Variants in ADAT2 observed in about 807,000 individuals in gnomAD.
ADAT2 encodes adenosine deaminase tRNA specific 2.
In ADAT2, 26 loss-of-function variants were observed where a neutral mutation model predicts 25.9. The observed-to-expected ratio is 1.00, with a 90% CI of 0.74 to 1.39. The LOEUF (loss-of-function observed/expected upper bound fraction) is 1.39, where lower values mean the gene tolerates loss of function less well. Among genes scored for constraint, ADAT2 ranks in the 40% most tolerant of loss-of-function variants. ADAT2 has a pLI of 0.00. For synonymous variants in ADAT2, 76 were observed against 86.8 expected, an observed-to-expected ratio of 0.88 and a Z score of 0.69; for missense variants, 220 against 244.8, an observed-to-expected ratio of 0.90 and a Z score of 0.68.
chr6:143,431,284 T>C (rs1779109549), intron 4 of ADAT2, among the ~76,000 whole-genome samples: 1 of 152,276 alleles, frequency 6.6e-6, no homozygotes, highest in African/African-American at 2.4e-5. Flanking sequence ...GGACTGTGTT[T>C]GTGCCCTCAT....
intron 1 of ADAT2, among the ~76,000 whole-genome samples, chr6:143,447,455 A>G (rs1304774700): frequency 6.6e-6 from 1 of 152,234 alleles, no homozygotes; most frequent in East Asian, 1.9e-4. Context: ...GATAATCAAA[A>G]AGAGAACATA....
intron 2 of ADAT2, among the ~76,000 whole-genome samples, chr6:143,435,788 A>G (rs1779256417): frequency 6.6e-6 from 1 of 152,202 alleles, no homozygotes; most frequent in African/African-American, 2.4e-5. Context: ...ATCTTTTTCA[A>G]AAAGAATTTT....
intron 1 of ADAT2, among the ~76,000 whole-genome samples, chr6:143,449,552 A>G (rs1403931816): frequency 3.3e-5 from 5 of 152,160 alleles, no homozygotes; most frequent in African/African-American, 1.2e-4. Context: ...GTCTTAAAGG[A>G]AAAAAAGTAC....
At position 143,444,192 on chromosome 6, in the gene ADAT2, GT is replaced by G. The variant is rs200560097; in HGVS notation, c.97-5499del. The stretch of plus-strand genomic sequence containing the variant: ...CTTCATGTTTATTTTGAGTAACACA[GT>G]TTTTTTTCCTGAAATGCCTTCCACT... On this transcript the variant is annotated intron_variant, in intron 1 of 5. Coordinates refer to ENST00000237283, the MANE Select transcript of ADAT2 (RefSeq NM_182503.3). The surrounding 1 kb of genome is among the most constrained non-coding windows in gnomAD (Gnocchi z 4.3). Among the ~76,000 whole-genome samples the G allele has an allele frequency of 6.6e-6, 1 of 151,844 alleles. No homozygotes were observed. Among genetic ancestry groups the G allele is most frequent in the Non-Finnish European group, 1.5e-5 (1 of 67,966 alleles).
In ADAT2 at chr6:143,444,891, T is replaced by C; in HGVS notation, c.96+5672A>G. ...ATTACTACTATAAACTGCTTTCTAGTGATGTCATGATAAAAGGGGGAGAGA... is the reference window on the plus strand; with the variant it reads ...ATTACTACTATAAACTGCTTTCTAGCGATGTCATGATAAAAGGGGGAGAGA... On this transcript the variant is annotated intron_variant, in intron 1 of 5. Coordinates refer to ENST00000237283, the MANE Select transcript of ADAT2 (RefSeq NM_182503.3). The surrounding 1 kb of genome is among the most constrained non-coding windows in gnomAD (Gnocchi z 4.3). 1 of 1,279,950 alleles carries C rather than the reference T, an allele frequency of 7.8e-7. No homozygotes were observed. The highest frequency in any genetic ancestry group is 1.0e-6 in the Non-Finnish European group (1 of 970,416). The allele number at this position is 1,279,950 out of a possible 1,614,324, so 79.3% of individuals were successfully genotyped here.
chr6:143,439,346 C>CAAAAAAAAAAAAAAAAAAAAA (rs35250658), intron 1 of ADAT2, among the ~76,000 whole-genome samples: 3 of 111,548 alleles, frequency 2.7e-5, no homozygotes, highest in Admixed American at 9.2e-5. Flanking sequence ...TATGTGTCTA[C>CAAAAAAAAAAAAAAAAAAAAA]AAAAAAAAAA....
At chr6:143,438,747 T>C in intron 1 of ADAT2, 53 bp from the exon 2 acceptor site, 1 of 1,439,258 alleles carries the variant, frequency 6.9e-7, no homozygotes. Context: ...TTGAAGAGAG[T>C]ATAGGAGAGA....
chr6:143,432,736 C>T lies in ADAT2; in HGVS notation c.353-125G>A. 1.2e-6 allele frequency: 1 copy of T among 857,750 alleles called. No homozygotes were observed. The highest frequency in any genetic ancestry group is 1.9e-6 in the Non-Finnish European group (1 of 530,342). The allele number at this position is 857,750 out of a possible 1,614,324, so 53.1% of individuals were successfully genotyped here. Reference sequence around the variant, plus strand: ...CATGCTACTCTTCAAACCAGTGAAGCTTAGGATTCGTCTTATAAACCATAC... The same window carrying T: ...CATGCTACTCTTCAAACCAGTGAAGTTTAGGATTCGTCTTATAAACCATAC... On this transcript the variant is annotated intron_variant, in intron 3 of 5. Coordinates refer to ENST00000237283, the MANE Select transcript of ADAT2 (RefSeq NM_182503.3). This position sits in a 1 kb window ranked among gnomAD's most constrained non-coding sequence, Gnocchi z 4.4.
intron 2 of ADAT2, among the ~76,000 whole-genome samples, chr6:143,435,367 G>C (rs1477057859): frequency 6.7e-6 from 1 of 149,916 alleles, no homozygotes; most frequent in East Asian, 1.9e-4. Flanking sequence ...TGGTGGTGGC[G>C]ACTGGGTAGT....
rs1476000275 is a variant in ADAT2 at position 143,425,314 on chromosome 6, A to C, written c.*3149T>G. On this transcript the variant is annotated 3_prime_UTR_variant, in exon 6 of 6. Coordinates refer to ENST00000237283, the MANE Select transcript of ADAT2 (RefSeq NM_182503.3). ...AGGATTGCTTCAGCCTAGGAGTTCA[A>C]GACCAGCCTGGGCAACATAGTGAGA... is the stretch of plus-strand genomic sequence containing the variant. The C allele has an allele frequency of 6.4e-6, 1 of 156,218 alleles. No individual in the cohort carries two copies. The highest frequency in any genetic ancestry group is 6.6e-5 in the Admixed American group (1 of 15,106). 9.7% of individuals were successfully genotyped at this position (156,218 alleles called of 1,614,324 possible).
rs139894625 is a variant in ADAT2, at chr6:143,436,506, C to T, written c.201+2084G>A. ...ACAACACGGCCATCCAGGAGCTGCTCAGAGACGTCTCAGAGCAGTTCACAG... is the reference window on the plus strand; with the variant it reads ...ACAACACGGCCATCCAGGAGCTGCTTAGAGACGTCTCAGAGCAGTTCACAG... On this transcript the variant is annotated intron_variant, in intron 2 of 5. Transcript: ENST00000237283. This position sits in a 1 kb window ranked among gnomAD's most constrained non-coding sequence, Gnocchi z 4.1. The T allele has an allele frequency of 2.4e-4, 79 of 333,916 alleles. No individual in the cohort carries two copies. Among genetic ancestry groups the T allele is most frequent in the African/African-American group, 1.5e-3 (70 of 46,018 alleles). The allele number at this position is 333,916 out of a possible 1,614,324, so 20.7% of individuals were successfully genotyped here.
rs891278167 is a variant in ADAT2 at position 143,440,350 on chromosome 6, T to C, written c.97-1656A>G. Reference sequence around the variant, plus strand: ...GTCTCTTACTCCCAGTTCTACTTTATTTAACTAGTGACAACTTCCTATTAT... The same window carrying C: ...GTCTCTTACTCCCAGTTCTACTTTACTTAACTAGTGACAACTTCCTATTAT... On this transcript the variant is annotated intron_variant, in intron 1 of 5. Coordinates refer to ENST00000237283, the MANE Select transcript of ADAT2 (RefSeq NM_182503.3). This position sits in a 1 kb window ranked among gnomAD's most constrained non-coding sequence, Gnocchi z 4.5. Among the ~76,000 whole-genome samples, 1 of 152,244 alleles carries C rather than the reference T, an allele frequency of 6.6e-6. No individual in the cohort carries two copies. The highest frequency in any genetic ancestry group is 2.4e-5 in the African/African-American group (1 of 41,472).
rs1326488075 is a variant in ADAT2, at chr6:143,430,722, T to C, written c.459+1783A>G. On this transcript the variant is annotated intron_variant, in intron 4 of 5. Coordinates refer to ENST00000237283, the MANE Select transcript of ADAT2 (RefSeq NM_182503.3). ...CTGGGATCACAGGCGCCCGCCACCATGCCCGGCTAATTTTTTGTATTTTTA... is the reference window on the plus strand; with the variant it reads ...CTGGGATCACAGGCGCCCGCCACCACGCCCGGCTAATTTTTTGTATTTTTA... Among the ~76,000 whole-genome samples, 9 of 152,006 alleles carry C rather than the reference T, an allele frequency of 5.9e-5. No individual in the cohort carries two copies. In the South Asian group the frequency reaches 8.4e-4, roughly 14 times the overall value.
chr6:143,432,653 G>A lies in ADAT2; in HGVS notation c.353-42C>T, dbSNP rs144967662. 1.3e-6 allele frequency: 2 copies of A among 1,586,750 alleles called. No homozygotes were observed. Among genetic ancestry groups the A allele is most frequent in the Non-Finnish European group, 1.7e-6 (2 of 1,155,416 alleles). On this transcript the variant is annotated intron_variant, in intron 3 of 5. Transcript: ENST00000237283. This position sits in a 1 kb window ranked among gnomAD's most constrained non-coding sequence, Gnocchi z 4.4. ...GTCCTGCATAGAATGTACATTTCAA[G>A]TATGTATCGTGACAAAATCAGAGTA...
In ADAT2 at chr6:143,446,981, T is replaced by C. The variant is rs577783895; in HGVS notation, c.96+3582A>G. 8.1e-4 allele frequency among the ~76,000 whole-genome samples: 124 copies of C among 152,352 alleles called. No homozygotes were observed. Among genetic ancestry groups the C allele is most frequent in the African/African-American group, 2.8e-3 (117 of 41,586 alleles). On this transcript the variant is annotated intron_variant, in intron 1 of 5. Transcript: ENST00000237283. This position sits in a 1 kb window ranked among gnomAD's most constrained non-coding sequence, Gnocchi z 5.0. ...TATCTTTAGAATGTTATGCTGAACA[T>C]GTTATGATGATTAAAATGATAACCT...
At position 143,427,098 on chromosome 6, in the gene ADAT2, C is replaced by CAG. The variant is rs1483479143; in HGVS notation, c.*1364_*1365insCT. ...ATAAAACTTTTCAAATGCAGTTAAA[C>CAG]ACACACACACACACACACACACACA... is the stretch of plus-strand genomic sequence containing the variant. On this transcript the variant is annotated 3_prime_UTR_variant, in exon 6 of 6. Transcript: ENST00000237283. The CAG allele has an allele frequency of 7.1e-6, 1 of 140,682 alleles. No individual in the cohort carries two copies. The highest frequency in any genetic ancestry group is 1.5e-5 in the Non-Finnish European group (1 of 65,012). 8.7% of individuals were successfully genotyped at this position (140,682 alleles called of 1,614,324 possible). A position where few individuals can be genotyped will look rare whatever the true frequency, so the allele number is the denominator to read the frequency against.
chr6:143,445,004 T>C (rs1779561140), intron 1 of ADAT2: 2 of 1,277,234 alleles, frequency 1.6e-6, no homozygotes, highest in South Asian at 2.5e-5. Context: ...AACAAACAAG[T>C]TAGCCAGAAC....
At position 143,442,507 on chromosome 6, in the gene ADAT2, A is replaced by G. The variant is rs2128743059; in HGVS notation, c.97-3813T>C. On this transcript the variant is annotated intron_variant, in intron 1 of 5. Coordinates refer to ENST00000237283, the MANE Select transcript of ADAT2 (RefSeq NM_182503.3). The surrounding 1 kb of genome is among the most constrained non-coding windows in gnomAD (Gnocchi z 4.6). ...CACACACACACACACACACACACAC[A>G]CACGTACAAATAAAACTGATGACAT... Among the ~76,000 whole-genome samples, 1 of 151,884 alleles carries G rather than the reference A, an allele frequency of 6.6e-6. No homozygotes were observed. Among genetic ancestry groups the G allele is most frequent in the African/African-American group, 2.4e-5 (1 of 41,400 alleles).
At position 143,430,756 on chromosome 6, in the gene ADAT2, G is replaced by A. The variant is rs566348127; in HGVS notation, c.459+1749C>T. 1.2e-3 allele frequency among the ~76,000 whole-genome samples: 182 copies of A among 151,920 alleles called. 1 individual carries two copies. Among genetic ancestry groups the A allele is most frequent in the African/African-American group, 4.2e-3 (172 of 41,422 alleles). ...AATTTTTTGTATTTTTAGTAGAGAC[G>A]GGGTTTCACCATGTTAGCCAGGATG... On this transcript the variant is annotated intron_variant, in intron 4 of 5. Coordinates refer to ENST00000237283, the MANE Select transcript of ADAT2 (RefSeq NM_182503.3).
Sources: allele counts gnomAD v4.1 joint callset (sites outside exome capture counted in the v4.1 genomes callset), GRCh38; gene constraint gnomAD v4.1.1; non-coding constraint Gnocchi (gnomAD v3.1); transcripts MANE v1.5; gene names NCBI Gene and HGNC (gene_info 2026-07-23, HGNC 2026-07-21).